TAGLN2: variants seen among roughly 807,000 people sequenced by gnomAD.
TAGLN2 encodes the protein transgelin-2.
TAGLN2 carries 14 observed loss-of-function variants against 24.9 expected under a neutral mutation model. The ratio of observed to expected loss-of-function variants is 0.56; its 90% CI spans 0.37 to 0.88. The LOEUF (loss-of-function observed/expected upper bound fraction) is 0.88. Among genes scored for constraint, TAGLN2 ranks in the 40% least tolerant of loss-of-function variants. The probability of loss-of-function intolerance (pLI) is 0.00; values close to 1 mark genes in which losing one functional copy is unlikely to be tolerated. For missense variants in TAGLN2, 208 were observed against 258.9 expected (o/e 0.80, Z 1.35); for synonymous variants, 77 against 98.2 (o/e 0.78, Z 1.28).
At chr1:159,922,608 G>A (rs1335588836) in intron 1 of TAGLN2, among the ~76,000 whole-genome samples, 1 of 152,216 alleles carries the variant, frequency 6.6e-6, no homozygotes, top group African/African-American at 2.4e-5. Context: ...ACTACCACCA[G>A]TAAGCCCCCT....
At chr1:159,920,977 T>C (rs1650512551) in intron 1 of TAGLN2, among the ~76,000 whole-genome samples, 1 of 152,094 alleles carries the variant, frequency 6.6e-6, no homozygotes, top group Non-Finnish European at 1.5e-5. Context: ...AATACTAAAG[T>C]GCACAGTTCA....
At chr1:159,919,958 T>G in intron 2 of TAGLN2, 123 bp from the exon 3 acceptor site, 1 of 1,129,180 alleles carries the variant, frequency 8.9e-7, no homozygotes, top group Non-Finnish European at 1.3e-6. Flanking sequence ...GAAGACAGCT[T>G]GGACTCTTTC....
At chr1:159,922,939 G>A (rs144507810) in intron 1 of TAGLN2, among the ~76,000 whole-genome samples, 1 of 152,244 alleles carries the variant, frequency 6.6e-6, no homozygotes, top group Non-Finnish European at 1.5e-5. Context: ...TCCAGCTGCA[G>A]TGTATCTGCT....
rs543051741 is a variant in TAGLN2, at chr1:159,919,989, C to T, written c.181-154G>A. 104 of 894,050 alleles carry T rather than the reference C, an allele frequency of 1.2e-4. No individual in the cohort carries two copies. In the African/African-American group the frequency reaches 1.2e-3, roughly 11 times the overall value. The allele number at this position is 894,050 out of a possible 1,614,324, so 55.4% of individuals were successfully genotyped here. On this transcript the variant is annotated intron_variant, in intron 2 of 4. Coordinates refer to ENST00000368097, the MANE Select transcript of TAGLN2 (RefSeq NM_003564.3). ...CTTTCACTAGAGTAAGCCTCACAGT[C>T]CTTCTTGCCAGCCTCCTTCCTCCGA...
At position 159,918,631 on chromosome 1, in the gene TAGLN2, G is replaced by A. The variant is rs1449355688; in HGVS notation, c.*169C>T. ...AGGGAATGTATTAGTAAGCATGGGG[G>A]AGAGGATGCCAGCAGGCACCTCAGA... On this transcript the variant is annotated 3_prime_UTR_variant, in exon 5 of 5. Transcript: ENST00000368097. 7 of 876,682 alleles carry A rather than the reference G, an allele frequency of 8.0e-6. No homozygotes were observed. Among genetic ancestry groups the A allele is most frequent in the Non-Finnish European group, 7.0e-6 (4 of 573,066 alleles). The allele number at this position is 876,682 out of a possible 1,614,324, so 54.3% of individuals were successfully genotyped here. A position where few individuals can be genotyped will look rare whatever the true frequency, so the allele number is the denominator to read the frequency against.
intron 1 of TAGLN2, chr1:159,923,289 T>G: frequency 1.2e-6 from 1 of 852,612 alleles, no homozygotes; most frequent in South Asian, 2.1e-5. Context: ...ACCTGGGGGA[T>G]GGACTGGCAG....
Position 159,923,408 on chromosome 1 carries a change from C to T in TAGLN2, c.-29+2042G>A, listed in dbSNP as rs575671064. ...GAGGGGCCACGCAAGGCACTCGGCC[C>T]CACCCAGACCCTGGGCTGGAAGCTT... is the stretch of plus-strand genomic sequence containing the variant. On this transcript the variant is annotated intron_variant, in intron 1 of 4. Transcript: ENST00000368097. 7 of 1,548,744 alleles carry T rather than the reference C, an allele frequency of 4.5e-6. No homozygotes were observed. In the African/African-American group the frequency reaches 9.6e-5, roughly 21 times the overall value.
rs1650464414 is a variant in TAGLN2, at chr1:159,919,728, G to A, written c.288C>T (p.Phe96=). 1.9e-6 allele frequency: 3 copies of A among 1,613,744 alleles called. No individual in the cohort carries two copies. In the African/African-American group the frequency reaches 4.0e-5, roughly 22 times the overall value. ...TGCCATAGCGCTCAGCTGCTTGCAG[G>A]AACTGAGAGATCTGCTCCATCTGCT... ...AFKQMEQISQ[F]LQAAERYGIN... The change falls in exon 3 of 5, where the codon TTC becomes TTT. Residue 96 remains phenylalanine (F), a synonymous_variant. Transcript: ENST00000368097.
chr1:159,923,025 ACCAGG>A (rs1425635988), intron 1 of TAGLN2, among the ~76,000 whole-genome samples: 2 of 152,200 alleles, frequency 1.3e-5, no homozygotes, highest in East Asian at 3.9e-4. Context: ...GGCAGTTCCA[ACCAGG>A]CCAGGCCTGG....
chr1:159,923,333 T>G, intron 1 of TAGLN2: 10 of 1,354,432 alleles, frequency 7.4e-6, no homozygotes, highest in South Asian at 2.7e-5. Context: ...ACTGCAGCTG[T>G]GAGAACAACC....
At chr1:159,922,399 TGGG>T (rs1650562241) in intron 1 of TAGLN2, among the ~76,000 whole-genome samples, 2 of 152,154 alleles carry the variant, frequency 1.3e-5, no homozygotes, top group Non-Finnish European at 2.9e-5. Flanking sequence ...AATGTCAGTC[TGGG>T]CCCCGACCCA....
intron 1 of TAGLN2, chr1:159,923,515 A>T: frequency 6.5e-7 from 1 of 1,536,190 alleles, no homozygotes; most frequent in East Asian, 2.5e-5. Context: ...TAGGGTGTTT[A>T]ATTGGGAAGA....
intron 1 of TAGLN2, among the ~76,000 whole-genome samples, chr1:159,922,043 C>T (rs1041919658): frequency 2.0e-5 from 3 of 152,238 alleles, no homozygotes; most frequent in African/African-American, 7.2e-5. Context: ...CCCTTCTAAC[C>T]ACATCTGGCT....
chr1:159,919,162 G>C lies in TAGLN2; in HGVS notation c.458+112C>G. On this transcript the variant is annotated intron_variant, in intron 4 of 4. Coordinates refer to ENST00000368097, the MANE Select transcript of TAGLN2 (RefSeq NM_003564.3). The stretch of plus-strand genomic sequence containing the variant: ...GATTAAGTGAGATGAGGAATTTTCT[G>C]AAAGTGCTTTGTAAAGGGCCAGCTG... The C allele has an allele frequency of 6.2e-6, 8 of 1,300,154 alleles. No individual in the cohort carries two copies. In the South Asian group the frequency reaches 9.8e-5, roughly 16 times the overall value. The allele number at this position is 1,300,154 out of a possible 1,614,324, so 80.5% of individuals were successfully genotyped here.
intron 1 of TAGLN2, among the ~76,000 whole-genome samples, chr1:159,922,343 C>A (rs1210985062): frequency 6.6e-6 from 1 of 152,194 alleles, no homozygotes; most frequent in East Asian, 1.9e-4. Context: ...TCATTAAGAG[C>A]AACCCGCCCC....
chr1:159,924,883 T>A (rs947879807), intron 1 of TAGLN2: 2 of 152,220 alleles, frequency 1.3e-5, no homozygotes, highest in African/African-American at 4.8e-5. Context: ...GACTGGAGCT[T>A]CACAGAAGGT....
intron 3 of TAGLN2, 139 bp from the exon 4 acceptor site, chr1:159,919,515 A>C (rs965164146): frequency 8.3e-6 from 11 of 1,319,586 alleles, no homozygotes; most frequent in Non-Finnish European, 1.2e-5. Flanking sequence ...TCCAGCCTCC[A>C]ATATGACCAA....
At chr1:159,923,409 C>T in intron 1 of TAGLN2, 1 of 1,549,208 alleles carries the variant, frequency 6.5e-7, no homozygotes, top group Non-Finnish European at 8.7e-7. Context: ...CACTCGGCCC[C>T]ACCCAGACCC....
chr1:159,925,022 T>C (rs556286344), intron 1 of TAGLN2: 10 of 152,366 alleles, frequency 6.6e-5, no homozygotes, highest in Non-Finnish European at 1.2e-4. Context: ...TGCTCACACG[T>C]GCTCCTGGAA....
Sources: allele counts gnomAD v4.1 joint callset (sites outside exome capture counted in the v4.1 genomes callset), GRCh38; gene constraint gnomAD v4.1.1; transcripts MANE v1.5; gene names NCBI Gene and HGNC (gene_info 2026-07-23, HGNC 2026-07-21).